RYR2: variants seen among roughly 807,000 people sequenced by gnomAD.
RYR2 encodes the protein cardiac muscle ryanodine receptor-calcium release channel.
RYR2 carries 227 observed loss-of-function variants against 601.1 expected under a neutral mutation model. The observed-to-expected ratio is 0.38, with a 90% CI of 0.34 to 0.42. The LOEUF is 0.42. Among genes scored for constraint, RYR2 ranks in the 10% least tolerant of loss-of-function variants. The probability of loss-of-function intolerance (pLI) is 1.00; values close to 1 mark genes in which losing one functional copy is unlikely to be tolerated. For synonymous variants in RYR2, 2,223 were observed against 2,175.1 expected, an observed-to-expected ratio of 1.02 and a Z score of -0.61; for missense variants, 4,646 against 6,156.5, an observed-to-expected ratio of 0.75 and a Z score of 8.21.
At chr1:237,427,004 T>C (rs1231702657) in intron 12 of RYR2, among the ~76,000 whole-genome samples, 1 of 152,156 alleles carries the variant, frequency 6.6e-6, no homozygotes, top group African/African-American at 2.4e-5. Flanking sequence ...ACATCAAAGA[T>C]CTTCTTAAGA....
intron 23 of RYR2, among the ~76,000 whole-genome samples, chr1:237,511,372 CTG>C (rs2150547541): frequency 6.7e-6 from 1 of 149,722 alleles, no homozygotes; most frequent in East Asian, 2.0e-4. Context: ...GTAAACCTCA[CTG>C]AGAAAATAAG....
chr1:237,377,348 C>A lies in RYR2; in HGVS notation c.489C>A (p.His163Gln), dbSNP rs1178843120. The change falls in exon 8 of 105, where the codon CAC (histidine) becomes CAA (glutamine). Residue 163 changes from histidine (H) to glutamine (Q), a missense_variant. By Grantham distance (24) the His-to-Gln change is conservative. Transcript: ENST00000366574. ...GGGAGGCTTGTTGGTGGACCATACA[C>A]CCTGCCTCTAAGCAGCGATCAGAAG... is the stretch of plus-strand genomic sequence containing the variant. ...TTGEACWWTI[H>Q]PASKQRSEGE... 1.9e-6 allele frequency: 3 copies of A among 1,613,142 alleles called. No individual in the cohort carries two copies. The highest frequency in any genetic ancestry group is 2.7e-5 in the African/African-American group (2 of 75,014).
chr1:237,521,883 G>A (rs542552947), intron 24 of RYR2, among the ~76,000 whole-genome samples: 5 of 152,070 alleles, frequency 3.3e-5, no homozygotes, highest in Admixed American at 3.3e-4. Flanking sequence ...TTGTACTCTT[G>A]CTTGCAGTCA....
chr1:237,534,058 G>T (rs955118980), intron 25 of RYR2, among the ~76,000 whole-genome samples: 3 of 152,026 alleles, frequency 2.0e-5, no homozygotes, highest in Admixed American at 6.6e-5. Context: ...GATTCAAAAA[G>T]ATAATTTATG....
At chr1:237,307,124 T>C (rs1249609734) in intron 2 of RYR2, among the ~76,000 whole-genome samples, 2 of 152,040 alleles carry the variant, frequency 1.3e-5, no homozygotes, top group Non-Finnish European at 2.9e-5. Flanking sequence ...CTTTTCTACG[T>C]AAAAGCTCTA....
chr1:237,537,762 C>G (rs1251173377), intron 25 of RYR2, among the ~76,000 whole-genome samples: 1 of 152,132 alleles, frequency 6.6e-6, no homozygotes, highest in African/African-American at 2.4e-5. Context: ...AAAGATGATA[C>G]AGTGTAATAC....
intron 46 of RYR2, among the ~76,000 whole-genome samples, chr1:237,639,964 T>C (rs1168730503): frequency 1.3e-5 from 2 of 152,060 alleles, no homozygotes; most frequent in East Asian, 1.9e-4. Context: ...ATGTACACCA[T>C]AGCCGGATTT....
At chr1:237,494,533 C>T (rs1342136659) in intron 19 of RYR2, among the ~76,000 whole-genome samples, 1 of 152,140 alleles carries the variant, frequency 6.6e-6, no homozygotes, top group African/African-American at 2.4e-5. Flanking sequence ...ATGTTAATCT[C>T]GTTTGGCAAC....
intron 17 of RYR2, among the ~76,000 whole-genome samples, chr1:237,485,171 C>T (rs545256776): frequency 1.3e-5 from 2 of 152,140 alleles, no homozygotes; most frequent in South Asian, 4.2e-4. Flanking sequence ...AAAATAATAA[C>T]GGTTTTAAAT....
chr1:237,583,518 T>C (rs886444816), intron 29 of RYR2, among the ~76,000 whole-genome samples: 22 of 152,214 alleles, frequency 1.4e-4, no homozygotes, highest in African/African-American at 4.3e-4. Context: ...CAAAAGTACT[T>C]ATGTATTATA....
chr1:237,309,373 G>A (rs949584846), intron 2 of RYR2, among the ~76,000 whole-genome samples: 6 of 151,298 alleles, frequency 4.0e-5, no homozygotes, highest in African/African-American at 1.5e-4. Flanking sequence ...AGTGCTGATT[G>A]GTGTATTTAC....
In RYR2 at chr1:237,594,240, A is replaced by G. The variant is rs188148097; in HGVS notation, c.4436+604A>G. On this transcript the variant is annotated intron_variant, in intron 33 of 104. Transcript: ENST00000366574. ...GGCTATCTTCCTTGCAGAATAAGAC[A>G]AGAGAAGATCTGACCATTGGCTTCT... 1.6e-3 allele frequency among the ~76,000 whole-genome samples: 239 copies of G among 152,294 alleles called. 1 individual carries two copies. The highest frequency in any genetic ancestry group is 5.1e-3 in the African/African-American group (214 of 41,554).
At chr1:237,575,216 A>C (rs2148325182) in intron 29 of RYR2, among the ~76,000 whole-genome samples, 1 of 152,334 alleles carries the variant, frequency 6.6e-6, no homozygotes, top group South Asian at 2.1e-4. Context: ...TTTTATTATA[A>C]GCCATGCTGC....
At chr1:237,113,098 T>A (rs1004697008) in intron 1 of RYR2, among the ~76,000 whole-genome samples, 12 of 152,214 alleles carry the variant, frequency 7.9e-5, no homozygotes, top group African/African-American at 2.2e-4. Context: ...AAATGGTTTC[T>A]GAGGTTCGGT....
Position 237,525,674 on chromosome 1 carries a change from C to T in RYR2, c.2823-4753C>T, listed in dbSNP as rs116818145. The stretch of plus-strand genomic sequence containing the variant: ...CCATGTTGTTCAGGCTGGTCTCAAA[C>T]GCGTGACCTGATAATGATTTCTTGG... On this transcript the variant is annotated intron_variant, in intron 24 of 104. Transcript: ENST00000366574. 4.1e-3 allele frequency among the ~76,000 whole-genome samples: 620 copies of T among 152,052 alleles called. 8 individuals carry two copies. Among genetic ancestry groups the T allele is most frequent in the African/African-American group, 0.014 (592 of 41,504 alleles).
intron 54 of RYR2, among the ~76,000 whole-genome samples, chr1:237,658,991 C>A (rs1573382545): frequency 6.6e-6 from 1 of 152,262 alleles, no homozygotes; most frequent in East Asian, 1.9e-4. Context: ...TTAGTCTAAA[C>A]TTGACAGAGG....
At chr1:237,731,225 A>G (rs938148794) in intron 77 of RYR2, among the ~76,000 whole-genome samples, 3 of 152,140 alleles carry the variant, frequency 2.0e-5, no homozygotes, top group African/African-American at 4.8e-5. Flanking sequence ...AACACCATTC[A>G]TGTACAGAGA....
chr1:237,091,411 C>T (rs1424343719), intron 1 of RYR2, among the ~76,000 whole-genome samples: 4 of 26,792 alleles, frequency 1.5e-4, no homozygotes, highest in African/African-American at 3.0e-4. Context: ...ACACCAGGGA[C>T]TTTTCTTTCT....
rs748432230 is a variant in RYR2 at position 237,500,733 on chromosome 1, C to G, written c.2226C>G (p.Ser742Arg). The G allele has an allele frequency of 1.9e-6, 3 of 1,610,414 alleles. No individual in the cohort carries two copies. The highest frequency in any genetic ancestry group is 4.5e-5 in the East Asian group (2 of 44,826). ...TAGGTTGTATTGCTCGTACTGTAAGCTCACCAAACCAACATCTGTTAAGAA... is the reference window on the plus strand; with the variant it reads ...TAGGTTGTATTGCTCGTACTGTAAGGTCACCAAACCAACATCTGTTAAGAA... ...LWSGCIARTV[S>R]SPNQHLLRTD... Residue 742 changes from serine to arginine, a missense_variant, in exon 21 of 105, where the codon AGC becomes AGG. Physicochemically the swap from Ser to Arg is moderately radical, Grantham distance 110. Coordinates refer to ENST00000366574, the MANE Select transcript of RYR2 (RefSeq NM_001035.3).
Sources: allele counts gnomAD v4.1 joint callset (sites outside exome capture counted in the v4.1 genomes callset), GRCh38; gene constraint gnomAD v4.1.1; transcripts MANE v1.5; gene names NCBI Gene and HGNC (gene_info 2026-07-23, HGNC 2026-07-21).